The following ADAM12 variants were observed in gnomAD, a reference collection of about 807,000 sequenced individuals.
ADAM12 encodes ADAM metallopeptidase domain 12.
Under a neutral mutation model 106.4 loss-of-function variants are expected in ADAM12, and 70 were observed. The ratio of observed to expected loss-of-function variants is 0.66; its 90% CI spans 0.54 to 0.80. The LOEUF (loss-of-function observed/expected upper bound fraction) is 0.80, where lower values mean the gene tolerates loss of function less well. Ranked by LOEUF, ADAM12 falls within the 30% of genes least tolerant of loss-of-function variation. The pLI is 0.00. For synonymous variants in ADAM12, 420 were observed against 433.5 expected, an observed-to-expected ratio of 0.97 and a Z score of 0.39; for missense variants, 1,010 against 1,171.9, an observed-to-expected ratio of 0.86 and a Z score of 2.02.
chr10:126,202,459 G>A (rs1957720039), intron 3 of ADAM12, among the ~76,000 whole-genome samples: 1 of 152,034 alleles, frequency 6.6e-6, no homozygotes, highest in Admixed American at 6.6e-5. Flanking sequence ...GTCCTACCCT[G>A]TAATCCGAGG....
chr10:126,215,346 C>G (rs1020897481), intron 3 of ADAM12, among the ~76,000 whole-genome samples: 3 of 152,214 alleles, frequency 2.0e-5, no homozygotes, highest in African/African-American at 4.8e-5. Context: ...TTTCCTGTGG[C>G]CTCTCCCTGG....
chr10:126,339,374 G>A (rs910958612), intron 1 of ADAM12, among the ~76,000 whole-genome samples: 6 of 152,032 alleles, frequency 3.9e-5, no homozygotes, highest in East Asian at 1.9e-4. Flanking sequence ...AATCATACAC[G>A]TCTTGTCAAT....
chr10:126,334,541 T>C (rs541027638), intron 1 of ADAM12, among the ~76,000 whole-genome samples: 1 of 152,270 alleles, frequency 6.6e-6, no homozygotes, highest in East Asian at 1.9e-4. Context: ...TTTGCTTGTC[T>C]CCTTGTCTGA....
At chr10:126,123,377 G>A (rs1316713469) in intron 5 of ADAM12, among the ~76,000 whole-genome samples, 1 of 152,202 alleles carries the variant, frequency 6.6e-6, no homozygotes, top group Non-Finnish European at 1.5e-5. Context: ...TTGCGTGTGG[G>A]GTTCTTTCTC....
chr10:126,286,735 G>A (rs1325739388), intron 2 of ADAM12, among the ~76,000 whole-genome samples: 2 of 152,188 alleles, frequency 1.3e-5, no homozygotes, highest in East Asian at 1.9e-4. Flanking sequence ...GCATTATAAT[G>A]GGGTGTCCCT....
intron 4 of ADAM12, among the ~76,000 whole-genome samples, chr10:126,154,174 A>G (rs915543993): frequency 4.6e-5 from 7 of 152,198 alleles, no homozygotes. Flanking sequence ...GGGTCTTTGA[A>G]TAGTCCTTTG....
intron 3 of ADAM12, among the ~76,000 whole-genome samples, chr10:126,188,824 T>TCATC (rs1957445916): frequency 6.6e-6 from 1 of 152,106 alleles, no homozygotes; most frequent in African/African-American, 2.4e-5. Flanking sequence ...AAGCCATTTA[T>TCATC]CATCCATCCA....
chr10:126,237,369 T>C (rs1361015241), intron 3 of ADAM12, among the ~76,000 whole-genome samples: 1 of 152,114 alleles, frequency 6.6e-6, no homozygotes, highest in African/African-American at 2.4e-5. Flanking sequence ...CTCAGAAAAA[T>C]AGAGGGGACT....
intron 13 of ADAM12, among the ~76,000 whole-genome samples, chr10:126,065,361 G>A (rs1320144583): frequency 6.6e-6 from 1 of 152,082 alleles, no homozygotes; most frequent in Non-Finnish European, 1.5e-5. Context: ...AAGGTCTCTG[G>A]GTGTCAACAC....
At chr10:126,189,342 G>C (rs1957455601) in intron 3 of ADAM12, among the ~76,000 whole-genome samples, 1 of 152,198 alleles carries the variant, frequency 6.6e-6, no homozygotes, top group East Asian at 1.9e-4. Flanking sequence ...GGGGTATACG[G>C]TGGGGAGTGT....
intron 1 of ADAM12, among the ~76,000 whole-genome samples, chr10:126,373,602 C>A (rs1180800677): frequency 6.6e-6 from 1 of 152,160 alleles, no homozygotes; most frequent in Non-Finnish European, 1.5e-5. Context: ...CAGTTCCTGG[C>A]ACAAATCTGG....
At chr10:126,032,836 A>G (rs61111866) in intron 21 of ADAM12, among the ~76,000 whole-genome samples, 3,657 of 152,284 alleles carry the variant, frequency 0.024, 144 homozygotes, top group African/African-American at 0.081. Flanking sequence ...AAACAAATGT[A>G]AAAGAACTGT....
chr10:126,181,891 G>A (rs576112552), intron 3 of ADAM12, among the ~76,000 whole-genome samples: 4 of 152,334 alleles, frequency 2.6e-5, no homozygotes, highest in South Asian at 4.1e-4. Flanking sequence ...GAGATCCACC[G>A]GGAGATTACA....
intron 5 of ADAM12, among the ~76,000 whole-genome samples, chr10:126,130,759 G>T (rs1046614815): frequency 6.6e-6 from 1 of 152,322 alleles, no homozygotes; most frequent in East Asian, 1.9e-4. Context: ...GGGATGGAGG[G>T]TTGTGACTGA....
At chr10:126,309,125 T>A (rs1960972943) in intron 2 of ADAM12, among the ~76,000 whole-genome samples, 1 of 151,392 alleles carries the variant, frequency 6.6e-6, no homozygotes, top group South Asian at 2.1e-4. Flanking sequence ...GCTTGGCCAA[T>A]CACCGTATTC....
intron 4 of ADAM12, among the ~76,000 whole-genome samples, chr10:126,150,265 G>T (rs2133711193): frequency 6.6e-6 from 1 of 152,210 alleles, no homozygotes. Context: ...GAGATCTTAG[G>T]GAGGTAAAAG....
At chr10:126,347,730 GGTT>G (rs1327313895) in intron 1 of ADAM12, among the ~76,000 whole-genome samples, 5 of 151,936 alleles carry the variant, frequency 3.3e-5, no homozygotes, top group African/African-American at 1.2e-4. Flanking sequence ...TTAATTTGGG[GGTT>G]GTTTGCTCAC....
chr10:126,060,956 G>A (rs1320804359), intron 14 of ADAM12, among the ~76,000 whole-genome samples: 1 of 152,226 alleles, frequency 6.6e-6, no homozygotes, highest in Non-Finnish European at 1.5e-5. Flanking sequence ...CACAGCCCAA[G>A]CTCTACACAC....
intron 14 of ADAM12, among the ~76,000 whole-genome samples, chr10:126,062,376 G>A (rs1249255096): frequency 6.6e-6 from 1 of 152,066 alleles, no homozygotes. Context: ...GAGCTCCCAG[G>A]GAAGCCCCCT....
Sources: allele counts gnomAD v4.1 joint callset (sites outside exome capture counted in the v4.1 genomes callset), GRCh38; gene constraint gnomAD v4.1.1; transcripts MANE v1.5; gene names NCBI Gene and HGNC (gene_info 2026-07-23, HGNC 2026-07-21).